The following MICOS13 variants were observed in gnomAD, a reference collection of about 807,000 sequenced individuals.
MICOS13 encodes MICOS complex subunit MIC13.
Under a neutral mutation model 16.1 loss-of-function variants are expected in MICOS13, and 15 were observed. That is an observed-to-expected ratio of 0.93 (90% CI 0.62 to 1.44). The LOEUF is 1.44. MICOS13 is among the 40% of genes most tolerant of loss of function. The probability of loss-of-function intolerance (pLI) is 0.00; values close to 1 mark genes in which losing one functional copy is unlikely to be tolerated. For synonymous variants in MICOS13, 61 were observed against 62.6 expected (o/e 0.97, Z 0.12); for missense variants, 164 against 155.0 (o/e 1.06, Z -0.31).
chr19:5,678,468 C>A lies in MICOS13; in HGVS notation c.*83G>T. On this transcript the variant is annotated 3_prime_UTR_variant, in exon 4 of 4. Transcript: ENST00000309324. ...GGCCGGCAAGGCCGGGAGCTGCCCT[C>A]GGAGTGGGGTCCCAGTCCGGAGTCT... is the stretch of plus-strand genomic sequence containing the variant. 1 of 1,322,874 alleles carries A rather than the reference C, an allele frequency of 7.6e-7. No homozygotes were observed. The highest frequency in any genetic ancestry group is 1.3e-5 in the South Asian group (1 of 77,048). The allele number at this position is 1,322,874 out of a possible 1,614,324, so 81.9% of individuals were successfully genotyped here.
At position 5,679,848 on chromosome 19, in the gene MICOS13, C is replaced by T. The variant is rs2054500967; in HGVS notation, c.30-85G>A. Reference sequence around the variant, plus strand: ...CCAAGGCCCACGGGGAGAGTGAGACCCTCCTGAGGGCTCACCGTCCACAGG... The same window carrying T: ...CCAAGGCCCACGGGGAGAGTGAGACTCTCCTGAGGGCTCACCGTCCACAGG... On this transcript the variant is annotated intron_variant, in intron 1 of 3. Coordinates refer to ENST00000309324, the MANE Select transcript of MICOS13 (RefSeq NM_205767.3). The T allele has an allele frequency of 3.4e-6, 5 of 1,479,722 alleles. No individual in the cohort carries two copies. The East Asian group carries it at 1.2e-4, about 36-fold the overall frequency. 91.7% of individuals were successfully genotyped at this position (1,479,722 alleles called of 1,614,324 possible).
At position 5,680,477 on chromosome 19, in the gene MICOS13, G is replaced by C; in HGVS notation, c.10C>G (p.Arg4Gly). The change falls in exon 1 of 4, where the codon CGG becomes GGG. Residue 4 changes from arginine (R) to glycine (G), a missense_variant. Coordinates refer to ENST00000309324, the MANE Select transcript of MICOS13 (RefSeq NM_205767.3). ...ACGCACCTCATCAGCGACCACACCC[G>C]GGCCACCATGGTCGCTCGGATCCAC... Reference protein sequence around the residue: MVARVWSLMRFLIK... With the variant: MVAGVWSLMRFLIK... 1 of 1,607,174 alleles carries C rather than the reference G, an allele frequency of 6.2e-7. No homozygotes were observed. The highest frequency in any genetic ancestry group is 8.5e-7 in the Non-Finnish European group (1 of 1,178,478).
In MICOS13 at chr19:5,679,718, C is replaced by T. The variant is rs2054497703; in HGVS notation, c.75G>A (p.Val25=). ...TGGGCCCCAGCAGCTCCTGGTCGTA[C>T]ACCAGGTAGACGGCGCCCCCAGCCA... is the stretch of plus-strand genomic sequence containing the variant. ...GSVAGGAVYL[V]YDQELLGPSD... Residue 25 remains valine (V), a synonymous_variant, in exon 2 of 4, where the codon GTG becomes GTA. Transcript: ENST00000309324. 1.9e-6 allele frequency: 3 copies of T among 1,610,186 alleles called. No individual in the cohort carries two copies. The highest frequency in any genetic ancestry group is 1.7e-4 in the Middle Eastern group (1 of 6,022).
intron 3 of MICOS13, chr19:5,679,102 G>T (rs957459926): frequency 2.2e-5 from 11 of 490,640 alleles, no homozygotes; most frequent in African/African-American, 1.8e-4. Flanking sequence ...AGTAGAGATG[G>T]GGTTTCACCA....
rs572963596 is a variant in MICOS13, at chr19:5,680,331, G to A, written c.29+127C>T. 1.4e-5 allele frequency: 23 copies of A among 1,607,692 alleles called. No homozygotes were observed. The East Asian group carries it at 4.9e-4, about 34-fold the overall frequency. ...CCTCAGTTTCCCTATCTGGCCCATAGGCGGGGAACGAAGGGGAAGTGACTC... is the reference window on the plus strand; with the variant it reads ...CCTCAGTTTCCCTATCTGGCCCATAAGCGGGGAACGAAGGGGAAGTGACTC... On this transcript the variant is annotated intron_variant, in intron 1 of 3. Coordinates refer to ENST00000309324, the MANE Select transcript of MICOS13 (RefSeq NM_205767.3).
At chr19:5,679,481 G>T (rs768578448) in intron 2 of MICOS13, 85 bp from the exon 3 acceptor site, 2 of 1,592,900 alleles carry the variant, frequency 1.3e-6, no homozygotes, top group African/African-American at 2.7e-5. Flanking sequence ...ACAGGCCGGA[G>T]AATCAGGTCA....
Position 5,678,584 on chromosome 19 carries a change from C to G in MICOS13, c.324G>C (p.Glu108Asp). 1 of 1,549,770 alleles carries G rather than the reference C, an allele frequency of 6.5e-7. No individual in the cohort carries two copies. The highest frequency in any genetic ancestry group is 8.7e-7 in the Non-Finnish European group (1 of 1,146,670). ...APSKAREYSK[E>D]GWEYVKARTK Reference sequence around the variant, plus strand: ...TGCGCGCCTTCACATACTCCCAGCCCTCCTTGGAGTACTCGCGGGCCTTGG... The same window carrying G: ...TGCGCGCCTTCACATACTCCCAGCCGTCCTTGGAGTACTCGCGGGCCTTGG... Residue 108 changes from glutamate to aspartate, a missense_variant, in exon 4 of 4, where the codon GAG becomes GAC. Coordinates refer to ENST00000309324, the MANE Select transcript of MICOS13 (RefSeq NM_205767.3).
chr19:5,679,991 G>C, intron 1 of MICOS13: 1 of 1,476,348 alleles, frequency 6.8e-7, no homozygotes, highest in Non-Finnish European at 8.9e-7. Flanking sequence ...GAAACCCAGA[G>C]GGGGAGAGTG....
chr19:5,680,258 GC>G (rs772937909), intron 1 of MICOS13, 199 bp downstream of exon 1: 1 of 1,577,710 alleles, frequency 6.3e-7, no homozygotes, highest in South Asian at 1.1e-5. Context: ...TCGCTGGGAA[GC>G]AGGAGGGAGG....
At chr19:5,679,905 A>C in intron 1 of MICOS13, 142 bp from the exon 2 acceptor site, 1 of 1,351,218 alleles carries the variant, frequency 7.4e-7, no homozygotes, top group Non-Finnish European at 9.9e-7. Flanking sequence ...CCGTCGACCC[A>C]GACCCCTATT....
In MICOS13 at chr19:5,679,568, G is replaced by A; in HGVS notation, c.207+18C>T. On this transcript the variant is annotated intron_variant, in intron 2 of 3. Coordinates refer to ENST00000309324, the MANE Select transcript of MICOS13 (RefSeq NM_205767.3). Reference sequence around the variant, plus strand: ...TGACCACCCGCCAAACCCTGGCCTCGTTCCCGGCCCGTAGTACCTGGGGTA... The same window carrying A: ...TGACCACCCGCCAAACCCTGGCCTCATTCCCGGCCCGTAGTACCTGGGGTA... 4 of 1,605,988 alleles carry A rather than the reference G, an allele frequency of 2.5e-6. No individual in the cohort carries two copies. The highest frequency in any genetic ancestry group is 2.2e-5 in the South Asian group (2 of 90,704).
chr19:5,678,705 A>G (rs2054476045), intron 3 of MICOS13, 57 bp from the exon 4 acceptor site: 1 of 1,061,584 alleles, frequency 9.4e-7, no homozygotes, highest in Non-Finnish European at 1.2e-6. Context: ...CCCAGCCTCC[A>G]ACCCCTGGGA....
chr19:5,678,977 C>T (rs1458833787), intron 3 of MICOS13: 8 of 372,416 alleles, frequency 2.1e-5, no homozygotes, highest in Non-Finnish European at 3.4e-5. Flanking sequence ...GGTGCAACCT[C>T]GGCTCACTGC....
In MICOS13 at chr19:5,679,710, T is replaced by C; in HGVS notation, c.83A>G (p.Gln28Arg). Reference sequence around the variant, plus strand: ...CTTGTCGCTGGGCCCCAGCAGCTCCTGGTCGTACACCAGGTAGACGGCGCC... The same window carrying C: ...CTTGTCGCTGGGCCCCAGCAGCTCCCGGTCGTACACCAGGTAGACGGCGCC... ...AGGAVYLVYD[Q>R]ELLGPSDKSQ... The change falls in exon 2 of 4, where the codon CAG (glutamine) becomes CGG (arginine). Residue 28 changes from glutamine to arginine, a missense_variant. Coordinates refer to ENST00000309324, the MANE Select transcript of MICOS13 (RefSeq NM_205767.3). The C allele has an allele frequency of 6.2e-7, 1 of 1,610,410 alleles. No individual in the cohort carries two copies. Among genetic ancestry groups the C allele is most frequent in the South Asian group, 1.1e-5 (1 of 90,910 alleles).
intron 3 of MICOS13, 34 bp downstream of exon 3, chr19:5,679,311 G>C: frequency 1.3e-6 from 2 of 1,594,020 alleles, no homozygotes; most frequent in Non-Finnish European, 8.6e-7. Context: ...AGACTGGGGT[G>C]TCTCCCTCCA....
intron 3 of MICOS13, chr19:5,679,015 T>G: frequency 2.7e-6 from 1 of 374,052 alleles, no homozygotes; most frequent in Non-Finnish European, 4.9e-6. Flanking sequence ...TTCAAGCAAT[T>G]CTCCTGCTTC....
intron 1 of MICOS13, 109 bp from the exon 2 acceptor site, chr19:5,679,872 G>C: frequency 1.4e-6 from 2 of 1,417,914 alleles, no homozygotes; most frequent in Non-Finnish European, 1.9e-6. Context: ...ACCGTCCACA[G>C]GGTGACACTC....
At chr19:5,679,435 G>C in intron 2 of MICOS13, 39 bp from the exon 3 acceptor site, 1 of 1,606,662 alleles carries the variant, frequency 6.2e-7, no homozygotes, top group Non-Finnish European at 8.5e-7. Flanking sequence ...TGGTGAAAAG[G>C]CTCAGCAGCC....
chr19:5,679,042 G>T lies in MICOS13; in HGVS notation c.259+303C>A, dbSNP rs143158843. On this transcript the variant is annotated intron_variant, in intron 3 of 3. Coordinates refer to ENST00000309324, the MANE Select transcript of MICOS13 (RefSeq NM_205767.3). ...TCCTGCTTCAGCCTCTCAAGCAGCA[G>T]CTGGGATTACAGGTGTGCACCACCA... The T allele has an allele frequency of 7.8e-4, 308 of 392,514 alleles. 1 individual carries two copies. The highest frequency in any genetic ancestry group is 6.2e-3 in the African/African-American group (297 of 47,964). 24.3% of individuals were successfully genotyped at this position (392,514 alleles called of 1,614,324 possible). A position where few individuals can be genotyped will look rare whatever the true frequency, so the allele number is the denominator to read the frequency against.
Sources: allele counts gnomAD v4.1 joint callset, GRCh38; gene constraint gnomAD v4.1.1; transcripts MANE v1.5; gene names NCBI Gene and HGNC (gene_info 2026-07-23, HGNC 2026-07-21).